NRG1: variants seen among roughly 807,000 people sequenced by gnomAD.
NRG1 encodes pro-neuregulin-1, membrane-bound isoform.
Under a neutral mutation model 63.8 loss-of-function variants are expected in NRG1, and 18 were observed. That is an observed-to-expected ratio of 0.28 (90% CI 0.19 to 0.42). The LOEUF (loss-of-function observed/expected upper bound fraction) is 0.42. NRG1 is among the 10% of genes least tolerant of loss of function. The probability of loss-of-function intolerance (pLI) is 1.00; values close to 1 mark genes in which losing one functional copy is unlikely to be tolerated. For synonymous variants in NRG1, 302 were observed against 301.3 expected, an observed-to-expected ratio of 1.00 and a Z score of -0.02; for missense variants, 762 against 814.7, an observed-to-expected ratio of 0.94 and a Z score of 0.79.
rs577168775 is a variant in NRG1, at chr8:32,385,247, C to T, written c.38-210581C>T. On this transcript the variant is annotated intron_variant, in intron 1 of 10. Coordinates refer to the NRG1 transcript ENST00000519301. ...TTCACCATGTTAGCCAGGATCGTCT[C>T]GGTCTCCTGACTCGTGATCCACCCG... is the stretch of plus-strand genomic sequence containing the variant. Among the ~76,000 whole-genome samples, 9 of 152,100 alleles carry T rather than the reference C, an allele frequency of 5.9e-5. No homozygotes were observed. In the East Asian group the frequency reaches 1.2e-3, roughly 20 times the overall value.
At chr8:31,707,691 CAACTTT>C (rs1365991581) in intron 1 of NRG1, among the ~76,000 whole-genome samples, 1 of 152,092 alleles carries the variant, frequency 6.6e-6, no homozygotes, top group Non-Finnish European at 1.5e-5. Context: ...TCTTGCACAT[CAACTTT>C]ATCAGCTTTA....
chr8:32,010,582 C>T (rs1479668974), intron 1 of NRG1, among the ~76,000 whole-genome samples: 1 of 151,934 alleles, frequency 6.6e-6, no homozygotes, highest in Admixed American at 6.6e-5. Context: ...TTTTATCATG[C>T]CATTAATGTG....
chr8:32,738,447 T>C (rs200141758), intron 6 of NRG1, among the ~76,000 whole-genome samples: 17 of 137,044 alleles, frequency 1.2e-4, no homozygotes, highest in East Asian at 2.5e-4. Context: ...CACACACACA[T>C]ATGTATATAT....
chr8:32,222,605 C>A (rs974646407), intron 1 of NRG1, among the ~76,000 whole-genome samples: 5 of 152,176 alleles, frequency 3.3e-5, no homozygotes, highest in African/African-American at 1.2e-4. Context: ...ATTCAGTCAG[C>A]CCACAGCTTT....
chr8:31,811,041 C>G (rs976721682), intron 1 of NRG1, among the ~76,000 whole-genome samples: 4 of 152,140 alleles, frequency 2.6e-5, no homozygotes, highest in African/African-American at 9.7e-5. Context: ...TGAGCCTCCC[C>G]GAGGCAGATG....
chr8:32,609,552 C>CTCCCTTCCTTCCT (rs1554602383), intron 3 of NRG1, among the ~76,000 whole-genome samples: 1 of 83,174 alleles, frequency 1.2e-5, no homozygotes, highest in African/African-American at 4.4e-5. Context: ...CCTTCCCTCC[C>CTCCCTTCCTTCCT]TCCTTCCTTC....
chr8:32,694,779 A>G (rs1758015363), intron 5 of NRG1, among the ~76,000 whole-genome samples: 1 of 152,170 alleles, frequency 6.6e-6, no homozygotes, highest in Non-Finnish European at 1.5e-5. Flanking sequence ...TTTGTAGTAA[A>G]ATCAAAGGAG....
At chr8:32,582,861 A>G (rs1404641431) in intron 1 of NRG1, among the ~76,000 whole-genome samples, 1 of 152,238 alleles carries the variant, frequency 6.6e-6, no homozygotes, top group African/African-American at 2.4e-5. Flanking sequence ...GAACTGCAGT[A>G]TTCTGCAAAT....
intron 1 of NRG1, among the ~76,000 whole-genome samples, chr8:32,194,194 G>C (rs922293708): frequency 6.6e-6 from 1 of 152,160 alleles, no homozygotes; most frequent in Non-Finnish European, 1.5e-5. Flanking sequence ...GAAAGCTTCT[G>C]ACAGAAAGTC....
chr8:31,747,757 G>A (rs1285209230), intron 1 of NRG1, among the ~76,000 whole-genome samples: 1 of 151,850 alleles, frequency 6.6e-6, no homozygotes, highest in Non-Finnish European at 1.5e-5. Context: ...ATACCTGGCT[G>A]TTTTGTTTAA....
intron 1 of NRG1, among the ~76,000 whole-genome samples, chr8:31,687,671 G>A (rs988373456): frequency 5.3e-5 from 8 of 152,228 alleles, no homozygotes; most frequent in Non-Finnish European, 8.8e-5. Context: ...ATTAGGGAGT[G>A]CTGTTGGAAA....
At chr8:32,140,241 A>G (rs1836070717) in intron 1 of NRG1, among the ~76,000 whole-genome samples, 1 of 152,140 alleles carries the variant, frequency 6.6e-6, no homozygotes, top group African/African-American at 2.4e-5. Flanking sequence ...CTGCAATGTC[A>G]TTAAGCAGTG....
chr8:32,344,642 A>G (rs1804646941), intron 1 of NRG1, among the ~76,000 whole-genome samples: 1 of 120,470 alleles, frequency 8.3e-6, no homozygotes, highest in Non-Finnish European at 1.6e-5. Flanking sequence ...TTTAGTAGAG[A>G]TGGGATTTTG....
Position 32,063,395 on chromosome 8 carries a change from T to C in NRG1, c.37+423964T>C, listed in dbSNP as rs920786326. On this transcript the variant is annotated intron_variant, in intron 1 of 10. Transcript: ENST00000519301. ...GTCTGACCAATGCTTGGTGGAAAGA[T>C]TCCACATTACTAGTTATTTGTAATG... is the stretch of plus-strand genomic sequence containing the variant. The C allele has an allele frequency of 2.0e-5, 3 of 152,160 alleles. No individual in the cohort carries two copies. In the East Asian group the frequency reaches 5.8e-4, roughly 29 times the overall value. 9.4% of individuals were successfully genotyped at this position (152,160 alleles called of 1,614,324 possible).
intron 1 of NRG1, among the ~76,000 whole-genome samples, chr8:31,643,246 C>T (rs140167195): frequency 2.6e-5 from 4 of 152,022 alleles, no homozygotes; most frequent in East Asian, 1.9e-4. Flanking sequence ...GCCCTGGGGG[C>T]GTGATGGTTG....
At chr8:32,748,382 G>C (rs1827977080) in intron 7 of NRG1, among the ~76,000 whole-genome samples, 2 of 151,768 alleles carry the variant, frequency 1.3e-5, no homozygotes, top group Middle Eastern at 3.4e-3. Context: ...GAGAGAGAGA[G>C]AGAGAGAGAG....
At chr8:32,555,624 A>G (rs1284991703) in intron 1 of NRG1, among the ~76,000 whole-genome samples, 1 of 151,874 alleles carries the variant, frequency 6.6e-6, no homozygotes, top group Non-Finnish European at 1.5e-5. Flanking sequence ...GGCGCCCACC[A>G]CCACGCCCGG....
intron 1 of NRG1, among the ~76,000 whole-genome samples, chr8:31,837,620 T>C (rs926481892): frequency 1.3e-5 from 2 of 152,012 alleles, no homozygotes; most frequent in African/African-American, 4.8e-5. Context: ...CTGACCAACC[T>C]CTTCCCATCT....
At chr8:32,602,621 T>G (rs920340867) in intron 2 of NRG1, among the ~76,000 whole-genome samples, 1 of 152,156 alleles carries the variant, frequency 6.6e-6, no homozygotes, top group Non-Finnish European at 1.5e-5. Context: ...ACAGTTTTCT[T>G]ACTTTAGAAA....
Sources: allele counts gnomAD v4.1 joint callset (sites outside exome capture counted in the v4.1 genomes callset), GRCh38; gene constraint gnomAD v4.1.1; transcripts MANE v1.5; gene names NCBI Gene and HGNC (gene_info 2026-07-23, HGNC 2026-07-21).